TBL1X: variants seen among roughly 807,000 people sequenced by gnomAD.
The protein encoded by TBL1X is F-box-like/WD repeat-containing protein TBL1X.
In TBL1X, 10 loss-of-function variants were observed where a neutral mutation model predicts 50.7. That is an observed-to-expected ratio of 0.20 (90% CI 0.12 to 0.33). The LOEUF is 0.33. TBL1X is among the 10% of genes least tolerant of loss of function. TBL1X has a pLI of 1.00. For missense variants in TBL1X, 340 were observed against 504.4 expected (o/e 0.67, Z 3.12); for synonymous variants, 190 against 214.7 (o/e 0.88, Z 1.01).
intron 2 of TBL1X, among the ~76,000 whole-genome samples, chrX:9,536,446 T>C (rs902911383): frequency 4.5e-5 from 5 of 110,187 alleles, no homozygotes; most frequent in Non-Finnish European, 9.5e-5. Flanking sequence ...GAGATGAGGT[T>C]TCACCATGTG....
chrX:9,474,471 C>G (rs779913524), intron 1 of TBL1X, among the ~76,000 whole-genome samples: 2 of 113,217 alleles, frequency 1.8e-5, no homozygotes, highest in Non-Finnish European at 3.7e-5. Context: ...GACTGGACAT[C>G]GTTCCAGAGG....
At chrX:9,698,700 G>A (rs1407574856) in intron 12 of TBL1X, among the ~76,000 whole-genome samples, 1 of 111,951 alleles carries the variant, frequency 8.9e-6, no homozygotes, top group Admixed American at 9.5e-5. Context: ...AGAGTGAGCC[G>A]CTTGCGTCTG....
Position 9,711,651 on chromosome X carries a change from C to T in TBL1X, c.1480C>T (p.Arg494Ter). The T allele has an allele frequency of 8.3e-7, 1 of 1,207,582 alleles. No homozygotes were observed. Residue 494 changes from arginine to a stop codon, truncating the protein, a stop_gained, in exon 16 of 18, where the codon CGA becomes TGA. Coordinates refer to ENST00000645353, the MANE Select transcript of TBL1X (RefSeq NM_005647.4). LOFTEE classifies it high-confidence loss of function. ...TACGGTGCGACTGTGGGACATAGAA[C>T]GAGGCGTCTGCACCCACACGCTCAC... is the stretch of plus-strand genomic sequence containing the variant. ...DSTVRLWDIE[R>*]GVCTHTLTKH...
intron 1 of TBL1X, among the ~76,000 whole-genome samples, chrX:9,495,359 C>T (rs1231789214): frequency 9.0e-6 from 1 of 110,519 alleles, no homozygotes; most frequent in Non-Finnish European, 1.9e-5. Context: ...GGGATGTCTA[C>T]GGAATGTGAA....
Position 9,717,480 on chromosome X carries a change from G to A in TBL1X, c.*1234G>A, listed in dbSNP as rs928159151. ...AGCGAGATTGCTCTGCAGCCAGTGAGGGAGGTCCCCGCCATGCCGGCTGGA... is the reference window on the plus strand; with the variant it reads ...AGCGAGATTGCTCTGCAGCCAGTGAAGGAGGTCCCCGCCATGCCGGCTGGA... On this transcript the variant is annotated 3_prime_UTR_variant, in exon 18 of 18. Transcript: ENST00000645353. 5 of 112,170 alleles carry A rather than the reference G, an allele frequency of 4.5e-5. No individual in the cohort carries two copies. The highest frequency in any genetic ancestry group is 9.4e-5 in the Non-Finnish European group (5 of 53,211). 9.2% of individuals were successfully genotyped at this position (112,170 alleles called of 1,213,427 possible). A position where few individuals can be genotyped will look rare whatever the true frequency, so the allele number is the denominator to read the frequency against.
At chrX:9,702,615 AAAAAAAAAAACTC>A (rs1229988085) in intron 12 of TBL1X, among the ~76,000 whole-genome samples, 2 of 109,640 alleles carry the variant, frequency 1.8e-5, no homozygotes, top group Non-Finnish European at 3.8e-5. Context: ...AAGAAAAAAA[AAAAAAAAAAACTC>A]ACATAAGATG....
At chrX:9,642,920 T>G in intron 3 of TBL1X, among the ~76,000 whole-genome samples, 1 of 112,573 alleles carries the variant, frequency 8.9e-6, no homozygotes, top group Middle Eastern at 4.6e-3. Flanking sequence ...TCTTTCCACC[T>G]TTTCTAATTG....
At chrX:9,628,083 AATACATTTCT>A (rs1280785740) in intron 2 of TBL1X, among the ~76,000 whole-genome samples, 1 of 112,846 alleles carries the variant, frequency 8.9e-6, no homozygotes, top group Non-Finnish European at 1.9e-5. Flanking sequence ...AAAAATTAAG[AATACATTTCT>A]GCTGAACTTG....
intron 2 of TBL1X, among the ~76,000 whole-genome samples, chrX:9,583,423 G>A (rs1569064775): frequency 8.9e-6 from 1 of 112,419 alleles, no homozygotes. Flanking sequence ...ATCAGGTTGT[G>A]TACTTAATCC....
intron 1 of TBL1X, among the ~76,000 whole-genome samples, chrX:9,491,338 A>ATTTTTTTTTT (rs1157943868): frequency 3.2e-5 from 1 of 31,316 alleles, no homozygotes; most frequent in African/African-American, 1.2e-4. Context: ...ATATATATAT[A>ATTTTTTTTTT]TTTTTTTTTT....
intron 5 of TBL1X, among the ~76,000 whole-genome samples, chrX:9,671,108 C>T (rs1440113219): frequency 9.0e-6 from 1 of 111,706 alleles, no homozygotes; most frequent in Non-Finnish European, 1.9e-5. Flanking sequence ...CCCCCAAGAC[C>T]ACCCTCAGGC....
At chrX:9,625,078 C>G (rs989310624) in intron 2 of TBL1X, among the ~76,000 whole-genome samples, 2 of 112,204 alleles carry the variant, frequency 1.8e-5, no homozygotes, top group African/African-American at 6.5e-5. Context: ...ATTTTAAGTT[C>G]CTTTTAAAAA....
At chrX:9,592,098 A>G (rs1287775806) in intron 2 of TBL1X, among the ~76,000 whole-genome samples, 2 of 111,636 alleles carry the variant, frequency 1.8e-5, no homozygotes, top group Non-Finnish European at 3.8e-5. Flanking sequence ...TTTTTTCCCC[A>G]TTGCTGACTC....
rs750264403 is a variant in TBL1X, at chrX:9,573,643, G to A, written c.-130-66630G>A. 7.1e-5 allele frequency among the ~76,000 whole-genome samples: 8 copies of A among 112,505 alleles called. No individual in the cohort carries two copies. The East Asian group carries it at 1.1e-3, about 16-fold the overall frequency. Reference sequence around the variant, plus strand: ...CTCATTTGCCCCACAATACCTCACCGTGCCAGGGATGCATTTCCTGCCCTG... The same window carrying A: ...CTCATTTGCCCCACAATACCTCACCATGCCAGGGATGCATTTCCTGCCCTG... On this transcript the variant is annotated intron_variant, in intron 2 of 17. Coordinates refer to ENST00000645353, the MANE Select transcript of TBL1X (RefSeq NM_005647.4).
intron 2 of TBL1X, chrX:9,639,858 G>T (rs1175321444): frequency 1.8e-5 from 2 of 111,969 alleles, no homozygotes; most frequent in African/African-American, 6.5e-5. Context: ...GTGTGCACAG[G>T]TTCATGTATC....
intron 12 of TBL1X, among the ~76,000 whole-genome samples, chrX:9,703,678 C>T (rs1280646300): frequency 8.9e-6 from 1 of 112,032 alleles, no homozygotes; most frequent in Non-Finnish European, 1.9e-5. Flanking sequence ...TGGGAACTTC[C>T]ACACCTCCAG....
chrX:9,500,422 C>T (rs1036152333), intron 1 of TBL1X, among the ~76,000 whole-genome samples: 1 of 110,803 alleles, frequency 9.0e-6, no homozygotes, highest in African/African-American at 3.3e-5. Flanking sequence ...TGGTGAAACC[C>T]CGTCTCTACT....
intron 2 of TBL1X, among the ~76,000 whole-genome samples, chrX:9,618,545 G>A (rs1053202791): frequency 6.3e-5 from 7 of 111,601 alleles, no homozygotes; most frequent in African/African-American, 2.3e-4. Context: ...CGGGCATGGT[G>A]GCGCGCCCCT....
chrX:9,590,468 C>T (rs2147030398), intron 2 of TBL1X, among the ~76,000 whole-genome samples: 1 of 111,338 alleles, frequency 9.0e-6, no homozygotes, highest in African/African-American at 3.3e-5. Flanking sequence ...TTGGTGTCGC[C>T]ATAAGTTTTT....
Sources: gnomAD v4.1 joint callset for allele counts (sites outside exome capture counted in the v4.1 genomes callset) on GRCh38, gnomAD v4.1.1 for gene constraint, MANE v1.5 for transcripts, NCBI Gene and HGNC (gene_info 2026-07-23, HGNC 2026-07-21) for gene names.